EXOC4: variants seen among roughly 807,000 people sequenced by gnomAD.
EXOC4 encodes SEC8-like 1.
In EXOC4, 71 loss-of-function variants were observed where a neutral mutation model predicts 107.2. The observed-to-expected ratio is 0.66, with a 90% CI of 0.55 to 0.81. The LOEUF (loss-of-function observed/expected upper bound fraction) is 0.81, where lower values mean the gene tolerates loss of function less well. Ranked by LOEUF, EXOC4 falls within the 30% of genes least tolerant of loss-of-function variation. The pLI, the probability that EXOC4 is intolerant of heterozygous loss-of-function variation, is 0.00. For synonymous variants in EXOC4, 456 were observed against 441.2 expected (o/e 1.03, Z -0.42); for missense variants, 1,108 against 1,189.6 (o/e 0.93, Z 1.01).
intron 9 of EXOC4, among the ~76,000 whole-genome samples, chr7:133,496,821 C>T (rs551071093): frequency 5.3e-4 from 81 of 152,142 alleles, no homozygotes; most frequent in African/African-American, 1.9e-3. Flanking sequence ...CTGTCACTCT[C>T]GGGGTTAGTT....
At chr7:133,783,334 G>A (rs1408836491) in intron 10 of EXOC4, among the ~76,000 whole-genome samples, 3 of 152,180 alleles carry the variant, frequency 2.0e-5, no homozygotes, top group Non-Finnish European at 4.4e-5. Flanking sequence ...GGGATCAGGG[G>A]TTGGTTGTTG....
At chr7:134,095,212 C>T in the EXOC4 span, among the ~76,000 whole-genome samples, 1 of 151,948 alleles carries the variant, frequency 6.6e-6, no homozygotes, top group Non-Finnish European at 1.5e-5. Flanking sequence ...ATAATAGCCA[C>T]ACCAAAAACA....
intron 10 of EXOC4, among the ~76,000 whole-genome samples, chr7:133,787,941 C>A (rs1360819142): frequency 3.6e-5 from 4 of 111,334 alleles, no homozygotes; most frequent in African/African-American, 1.3e-4. Context: ...GATACTTCTT[C>A]CCTGTGCATA....
At chr7:133,982,469 A>G (rs2971956) in intron 14 of EXOC4, among the ~76,000 whole-genome samples, 111,049 of 151,940 alleles carry the variant, frequency 0.73, 41,223 homozygotes, top group East Asian at 0.91. Context: ...GGAGAACGGC[A>G]TGAACCCGGG....
chr7:133,944,658 A>G (rs1365796812), intron 14 of EXOC4, among the ~76,000 whole-genome samples: 2 of 152,182 alleles, frequency 1.3e-5, no homozygotes, highest in Non-Finnish European at 2.9e-5. Context: ...TGATAGAAGC[A>G]TCTTATTATA....
intron 11 of EXOC4, among the ~76,000 whole-genome samples, chr7:133,886,169 G>T (rs972393793): frequency 6.6e-6 from 1 of 152,140 alleles, no homozygotes; most frequent in Non-Finnish European, 1.5e-5. Context: ...GATAGTTAAG[G>T]GAAGACTGAA....
At chr7:133,444,735 G>T (rs76128759) in intron 7 of EXOC4, among the ~76,000 whole-genome samples, 1 of 152,086 alleles carries the variant, frequency 6.6e-6, no homozygotes, top group Non-Finnish European at 1.5e-5. Context: ...AGAAAATTGG[G>T]TCTTGTATTT....
chr7:133,671,882 G>T (rs898813597), intron 10 of EXOC4, among the ~76,000 whole-genome samples: 1 of 152,180 alleles, frequency 6.6e-6, no homozygotes, highest in Non-Finnish European at 1.5e-5. Context: ...GAGTAAGATC[G>T]TGAGTTTGGT....
intron 10 of EXOC4, among the ~76,000 whole-genome samples, chr7:133,754,565 G>C (rs1795859939): frequency 6.6e-6 from 1 of 152,126 alleles, no homozygotes. Flanking sequence ...GGACTAAAGG[G>C]AAGATTCTAC....
At chr7:134,016,211 A>G (rs1319157939) in intron 17 of EXOC4, among the ~76,000 whole-genome samples, 2 of 152,168 alleles carry the variant, frequency 1.3e-5, no homozygotes, top group Non-Finnish European at 2.9e-5. Context: ...ATGCAACTGG[A>G]TATGTAAACT....
chr7:133,600,564 C>T (rs969788661), intron 9 of EXOC4, among the ~76,000 whole-genome samples: 8 of 152,258 alleles, frequency 5.3e-5, no homozygotes, highest in South Asian at 2.1e-4. Flanking sequence ...TTTTCCAGAA[C>T]GCCAAATAAT....
chr7:133,714,117 A>G (rs549094230), intron 10 of EXOC4, among the ~76,000 whole-genome samples: 13 of 152,206 alleles, frequency 8.5e-5, no homozygotes, highest in African/African-American at 2.9e-4. Context: ...GAAGCTTTCT[A>G]GAGTTGGGAG....
chr7:133,461,775 T>C (rs1461805479), intron 7 of EXOC4, among the ~76,000 whole-genome samples: 1 of 152,240 alleles, frequency 6.6e-6, no homozygotes, highest in Non-Finnish European at 1.5e-5. Flanking sequence ...GAAACAGCAA[T>C]AAGTAGCTGC....
At chr7:133,819,072 C>T (rs1418931961) in intron 11 of EXOC4, among the ~76,000 whole-genome samples, 1 of 152,112 alleles carries the variant, frequency 6.6e-6, no homozygotes, top group East Asian at 1.9e-4. Flanking sequence ...ACAGGAGATC[C>T]TGCCAGGTGA....
chr7:133,452,870 G>C (rs779256676), intron 7 of EXOC4, among the ~76,000 whole-genome samples: 2 of 152,088 alleles, frequency 1.3e-5, no homozygotes, highest in Non-Finnish European at 2.9e-5. Context: ...GAGGTTAGTT[G>C]TGGAATTCGA....
At chr7:133,367,382 A>G (rs147427584) in intron 6 of EXOC4, among the ~76,000 whole-genome samples, 131 of 152,278 alleles carry the variant, frequency 8.6e-4, no homozygotes, top group African/African-American at 3.0e-3. Flanking sequence ...TCAAGGAGGC[A>G]CAAGTGGGCA....
intron 15 of EXOC4, among the ~76,000 whole-genome samples, chr7:134,003,756 T>C (rs1487508449): frequency 1.3e-5 from 2 of 152,032 alleles, no homozygotes. Flanking sequence ...TTTTTTTTTT[T>C]CTGCTACGGT....
chr7:133,413,454 G>A (rs1267135643), intron 7 of EXOC4, among the ~76,000 whole-genome samples: 2 of 152,102 alleles, frequency 1.3e-5, no homozygotes, highest in African/African-American at 4.8e-5. Flanking sequence ...GTCTTCCGTA[G>A]CTGAATCCCC....
intron 5 of EXOC4, among the ~76,000 whole-genome samples, chr7:133,349,322 C>A (rs928750070): frequency 6.6e-6 from 1 of 152,072 alleles, no homozygotes; most frequent in African/African-American, 2.4e-5. Flanking sequence ...CCCCATACCC[C>A]TCTTCTCCCA....
Sources: allele counts gnomAD v4.1 joint callset (sites outside exome capture counted in the v4.1 genomes callset), GRCh38; gene constraint gnomAD v4.1.1; transcripts MANE v1.5; gene names NCBI Gene and HGNC (gene_info 2026-07-23, HGNC 2026-07-21).